NEGR1: variants seen among roughly 807,000 people sequenced by gnomAD.
The protein encoded by NEGR1 is neuronal growth regulator 1, also known as IgLON family member 4.
Under a neutral mutation model 40.9 loss-of-function variants are expected in NEGR1, and 10 were observed. That is an observed-to-expected ratio of 0.24 (90% CI 0.15 to 0.42). NEGR1 has a LOEUF of 0.42. NEGR1 is among the 10% of genes least tolerant of loss of function. The pLI is 1.00. For synonymous variants in NEGR1, 185 were observed against 166.8 expected, an observed-to-expected ratio of 1.11 and a Z score of -0.84; for missense variants, 352 against 438.9, an observed-to-expected ratio of 0.80 and a Z score of 1.77.
intron 6 of NEGR1, among the ~76,000 whole-genome samples, chr1:71,561,473 C>T (rs143482733): frequency 1.3e-5 from 2 of 151,578 alleles, no homozygotes; most frequent in African/African-American, 4.8e-5. Context: ...GATAAGTAGA[C>T]GATACTTGCT....
At chr1:71,702,922 T>C (rs766609359) in intron 3 of NEGR1, among the ~76,000 whole-genome samples, 4 of 151,998 alleles carry the variant, frequency 2.6e-5, no homozygotes, top group African/African-American at 7.2e-5. Context: ...GAAAGAGAGA[T>C]TGGAATTCAG....
chr1:72,204,596 C>T (rs1190997039), intron 1 of NEGR1, among the ~76,000 whole-genome samples: 1 of 152,076 alleles, frequency 6.6e-6, no homozygotes, highest in African/African-American at 2.4e-5. Context: ...GTCTGTTTTT[C>T]AAATATCCAG....
At chr1:71,965,649 A>G (rs1646204113) in intron 1 of NEGR1, among the ~76,000 whole-genome samples, 1 of 152,198 alleles carries the variant, frequency 6.6e-6, no homozygotes, top group Non-Finnish European at 1.5e-5. Context: ...TAGAATATTA[A>G]ATATCTTATT....
intron 6 of NEGR1, among the ~76,000 whole-genome samples, chr1:71,449,888 T>C (rs1246147066): frequency 1.3e-5 from 2 of 152,162 alleles, no homozygotes; most frequent in African/African-American, 2.4e-5. Flanking sequence ...TTCTTGGTAT[T>C]CTCATTGAGT....
intron 1 of NEGR1, among the ~76,000 whole-genome samples, chr1:72,106,321 A>T (rs1649131928): frequency 6.6e-6 from 1 of 152,048 alleles, no homozygotes; most frequent in Non-Finnish European, 1.5e-5. Context: ...AAAAGCTGAG[A>T]TGTTAGAACC....
intron 1 of NEGR1, among the ~76,000 whole-genome samples, chr1:72,026,036 G>A (rs1231880542): frequency 7.0e-6 from 1 of 143,858 alleles, no homozygotes; most frequent in East Asian, 2.1e-4. Flanking sequence ...GCGTGAACCC[G>A]GGAGGCGGAG....
intron 2 of NEGR1, among the ~76,000 whole-genome samples, chr1:71,886,774 G>C (rs1203719812): frequency 2.0e-5 from 3 of 152,106 alleles, no homozygotes; most frequent in Non-Finnish European, 4.4e-5. Flanking sequence ...CCATTTACTG[G>C]TTTTCTGCAA....
intron 5 of NEGR1, among the ~76,000 whole-genome samples, chr1:71,610,430 G>A (rs575268057): frequency 6.6e-6 from 1 of 152,178 alleles, no homozygotes; most frequent in South Asian, 2.1e-4. Flanking sequence ...AGTAGCTCTT[G>A]CCAAGGTTTT....
At chr1:71,527,770 T>C (rs1647238823) in intron 6 of NEGR1, among the ~76,000 whole-genome samples, 1 of 151,374 alleles carries the variant, frequency 6.6e-6, no homozygotes, top group Non-Finnish European at 1.5e-5. Flanking sequence ...ATGATACAAT[T>C]TTAAAAGGTT....
chr1:71,568,252 G>C (rs1027923564), intron 6 of NEGR1, among the ~76,000 whole-genome samples: 1 of 152,070 alleles, frequency 6.6e-6, no homozygotes, highest in Non-Finnish European at 1.5e-5. Context: ...CTCCTTGATG[G>C]GGGATACGCA....
chr1:71,528,810 G>T (rs867992485), intron 6 of NEGR1, among the ~76,000 whole-genome samples: 1 of 151,184 alleles, frequency 6.6e-6, no homozygotes, highest in Non-Finnish European at 1.5e-5. Flanking sequence ...AATTGTTTCG[G>T]TTTTTTCCCT....
chr1:72,197,224 A>G (rs1254047188), intron 1 of NEGR1, among the ~76,000 whole-genome samples: 1 of 151,998 alleles, frequency 6.6e-6, no homozygotes, highest in Non-Finnish European at 1.5e-5. Context: ...TTTAATCACT[A>G]CAGTGACCAA....
At chr1:71,883,119 A>C (rs1189594235) in intron 2 of NEGR1, among the ~76,000 whole-genome samples, 1 of 152,178 alleles carries the variant, frequency 6.6e-6, no homozygotes, top group African/African-American at 2.4e-5. Context: ...TCTTCTAACA[A>C]AGCATTGCTT....
At chr1:71,587,645 TAC>T (rs1016907129) in intron 6 of NEGR1, among the ~76,000 whole-genome samples, 60 of 85,942 alleles carry the variant, frequency 7.0e-4, no homozygotes, top group East Asian at 9.7e-4. Flanking sequence ...CATACACGAG[TAC>T]ACACACACAC....
intron 2 of NEGR1, among the ~76,000 whole-genome samples, chr1:71,874,792 G>A (rs2101836630): frequency 6.6e-6 from 1 of 152,148 alleles, no homozygotes; most frequent in African/African-American, 2.4e-5. Context: ...AATGTTCTGT[G>A]GATATTGATT....
At chr1:71,813,581 C>A (rs2101765732) in intron 2 of NEGR1, among the ~76,000 whole-genome samples, 1 of 152,118 alleles carries the variant, frequency 6.6e-6, no homozygotes, top group Middle Eastern at 3.4e-3. Context: ...AATGTTCTTC[C>A]ATTTGTTTGT....
intron 4 of NEGR1, among the ~76,000 whole-genome samples, chr1:71,640,179 A>G (rs1651302903): frequency 6.6e-6 from 1 of 152,066 alleles, no homozygotes; most frequent in African/African-American, 2.4e-5. Context: ...AACAAATTAC[A>G]TGTGAAATGC....
At chr1:71,918,962 G>A (rs1661681265) in intron 2 of NEGR1, among the ~76,000 whole-genome samples, 1 of 152,100 alleles carries the variant, frequency 6.6e-6, no homozygotes, top group Admixed American at 6.5e-5. Context: ...TTTTCCAGAT[G>A]GAGTGATTTT....
chr1:72,186,995 C>T (rs1036876212), intron 1 of NEGR1, among the ~76,000 whole-genome samples: 1 of 151,506 alleles, frequency 6.6e-6, no homozygotes. Flanking sequence ...AGGGGGAAAA[C>T]ACCTTGGTCA....
Sources: allele counts gnomAD v4.1 joint callset (sites outside exome capture counted in the v4.1 genomes callset), GRCh38; gene constraint gnomAD v4.1.1; transcripts MANE v1.5; gene names NCBI Gene and HGNC (gene_info 2026-07-23, HGNC 2026-07-21).